The following SP100 variants were observed in gnomAD, a reference collection of about 807,000 sequenced individuals.
SP100 encodes the protein SP100 nuclear body protein.
A neutral mutation model predicts 130.0 loss-of-function variants in SP100; 84 were observed. That is an observed-to-expected ratio of 0.65 (90% CI 0.54 to 0.77). The LOEUF is 0.77. Among genes scored for constraint, SP100 ranks in the 30% least tolerant of loss-of-function variants. SP100 has a pLI of 0.00. For missense variants in SP100, 978 were observed against 1,052.2 expected, an observed-to-expected ratio of 0.93 and a Z score of 0.97; for synonymous variants, 331 against 351.7, an observed-to-expected ratio of 0.94 and a Z score of 0.66.
chr2:230,528,947 AC>A (rs1375699408), intron 24 of SP100, among the ~76,000 whole-genome samples: 2 of 152,222 alleles, frequency 1.3e-5, no homozygotes, highest in Non-Finnish European at 2.9e-5. Flanking sequence ...CAGCCTACCA[AC>A]CAAAAAAGTC....
intron 17 of SP100, among the ~76,000 whole-genome samples, chr2:230,479,943 G>A (rs145647277): frequency 8.4e-4 from 128 of 152,318 alleles, no homozygotes; most frequent in African/African-American, 2.9e-3. Context: ...CAGGATTCAT[G>A]GCTTACTCTC....
chr2:230,523,766 A>C (rs7562968), intron 24 of SP100, among the ~76,000 whole-genome samples: 1,931 of 151,952 alleles, frequency 0.013, 37 homozygotes, highest in African/African-American at 0.045. Flanking sequence ...AAAATTAGCT[A>C]GGCATGGTGG....
intron 11 of SP100, 37 bp from the exon 12 acceptor site, chr2:230,466,264 G>A: frequency 8.4e-7 from 1 of 1,190,542 alleles, no homozygotes; most frequent in Non-Finnish European, 1.2e-6. Context: ...TAAGTCTCTT[G>A]CATACAAATA....
At chr2:230,531,641 T>C (rs1182106836) in intron 24 of SP100, among the ~76,000 whole-genome samples, 1 of 152,208 alleles carries the variant, frequency 6.6e-6, no homozygotes, top group Non-Finnish European at 1.5e-5. Context: ...TGAAGCCAGA[T>C]GTAGTGTGGA....
intron 8 of SP100, among the ~76,000 whole-genome samples, chr2:230,457,765 T>A (rs946388993): frequency 6.6e-6 from 1 of 152,226 alleles, no homozygotes; most frequent in African/African-American, 2.4e-5. Context: ...CATAGGTCGT[T>A]GTTCACATCA....
chr2:230,436,755 T>C (rs549767524), intron 2 of SP100, among the ~76,000 whole-genome samples: 123 of 152,302 alleles, frequency 8.1e-4, no homozygotes, highest in African/African-American at 2.6e-3. Context: ...TTCCTACATA[T>C]ATAATTATAG....
chr2:230,487,233 T>C (rs575530108), intron 17 of SP100, among the ~76,000 whole-genome samples: 35 of 152,388 alleles, frequency 2.3e-4, no homozygotes, highest in Non-Finnish European at 4.1e-4. Flanking sequence ...ATTTTTGTCA[T>C]GAAGTCTTTG....
chr2:230,427,351 G>A (rs747879137), intron 2 of SP100, among the ~76,000 whole-genome samples: 3 of 152,020 alleles, frequency 2.0e-5, no homozygotes, highest in African/African-American at 4.8e-5. Context: ...TAGTAGAGAC[G>A]GGGTTTCACT....
rs772631717 is a variant in SP100, at chr2:230,542,056, C to T, written c.2547+21C>T. On this transcript the variant is annotated intron_variant, in intron 28 of 28. Transcript: ENST00000340126. ...ACAGGGTGAGTGGCTCTCCCTGCTT[C>T]CTTTTCTCTTTCAATTACATCACTT... 2.3e-5 allele frequency: 37 copies of T among 1,611,832 alleles called. 1 individual carries two copies. In the East Asian group the frequency reaches 7.8e-4, roughly 34 times the overall value.
chr2:230,494,490 T>G, intron 18 of SP100, 30 bp downstream of exon 18: 1 of 1,549,988 alleles, frequency 6.5e-7, no homozygotes, highest in Non-Finnish European at 8.9e-7. Context: ...TTTACTCCTT[T>G]GAACTCGCTG....
At chr2:230,498,613 A>G in intron 19 of SP100, 78 bp downstream of exon 19, 1 of 765,062 alleles carries the variant, frequency 1.3e-6, no homozygotes, top group Non-Finnish European at 1.9e-6. Context: ...TTTTTCCTAA[A>G]TGCTTTATGT....
rs1444355220 is a variant in SP100 at position 230,462,493 on chromosome 2, CA to C, written c.1033del (p.Ile345SerfsTer9). 5.9e-5 allele frequency: 95 copies of C among 1,613,598 alleles called. No individual in the cohort carries two copies. Among genetic ancestry groups the C allele is most frequent in the Non-Finnish European group, 7.6e-5 (90 of 1,179,718 alleles). On this transcript the variant is annotated frameshift_variant, in exon 10 of 29. Coordinates refer to ENST00000340126, the MANE Select transcript of SP100 (RefSeq NM_001080391.2). LOFTEE classifies it high-confidence loss of function. ...TDVDEPLEVFISAPRSEPVIN... is the reference protein window; with the variant it reads ...TDVDEPLEVFXSAPRSEPVIN... ...ACGTTGATGAGCCCTTAGAAGTCTT[CA>C]TCTCAGCACCGAGAAGTGAGCCTGG... is the stretch of plus-strand genomic sequence containing the variant.
chr2:230,417,558 T>C, intron 1 of SP100, 33 bp from the exon 2 acceptor site: 1 of 1,604,028 alleles, frequency 6.2e-7, no homozygotes. Context: ...AGGGTCCAGT[T>C]ATTTACTTGG....
intron 2 of SP100, among the ~76,000 whole-genome samples, chr2:230,420,864 T>C (rs1470695582): frequency 6.6e-6 from 1 of 152,204 alleles, no homozygotes; most frequent in Non-Finnish European, 1.5e-5. Flanking sequence ...TACTTTTGTA[T>C]TTACTTCTGT....
chr2:230,438,953 G>A (rs950937112), intron 2 of SP100, among the ~76,000 whole-genome samples: 23 of 152,120 alleles, frequency 1.5e-4, no homozygotes, highest in African/African-American at 5.6e-4. Flanking sequence ...AGTTGTAATA[G>A]TTTACATTCC....
chr2:230,477,939 C>CAAAAAAAAAA (rs11420486), intron 17 of SP100, among the ~76,000 whole-genome samples: 5 of 125,140 alleles, frequency 4.0e-5, no homozygotes, highest in African/African-American at 1.2e-4. Context: ...TGTCTCAAAA[C>CAAAAAAAAAA]AAAACAAACA....
intron 13 of SP100, chr2:230,468,786 C>T (rs562571806): frequency 3.9e-6 from 1 of 256,518 alleles, no homozygotes; most frequent in Admixed American, 6.2e-5. Flanking sequence ...CCACTGCCCT[C>T]CAGCTTGGCT....
intron 24 of SP100, among the ~76,000 whole-genome samples, chr2:230,531,885 A>G (rs1327646288): frequency 6.6e-6 from 1 of 152,224 alleles, no homozygotes; most frequent in Non-Finnish European, 1.5e-5. Context: ...TAAACTGAGT[A>G]GAAGAATAAT....
chr2:230,436,016 G>T (rs1163380440), intron 2 of SP100, among the ~76,000 whole-genome samples: 1 of 151,904 alleles, frequency 6.6e-6, no homozygotes, highest in Non-Finnish European at 1.5e-5. Context: ...ATTTTATCCA[G>T]TTTCAATGGG....
Sources: allele counts gnomAD v4.1 joint callset (sites outside exome capture counted in the v4.1 genomes callset), GRCh38; gene constraint gnomAD v4.1.1; transcripts MANE v1.5; gene names NCBI Gene and HGNC (gene_info 2026-07-23, HGNC 2026-07-21).